The following PPARGC1A variants were observed in gnomAD, a reference collection of about 807,000 sequenced individuals.
PPARGC1A encodes the protein peroxisome proliferator-activated receptor gamma coactivator 1-alpha.
A neutral mutation model predicts 88.7 loss-of-function variants in PPARGC1A; 25 were observed. That is an observed-to-expected ratio of 0.28 (90% CI 0.21 to 0.39). PPARGC1A has a LOEUF of 0.39. Among genes scored for constraint, PPARGC1A ranks in the 10% least tolerant of loss-of-function variants. The pLI is 1.00. For synonymous variants in PPARGC1A, 363 were observed against 355.6 expected, an observed-to-expected ratio of 1.02 and a Z score of -0.24; for missense variants, 880 against 968.7, an observed-to-expected ratio of 0.91 and a Z score of 1.22.
At chr4:24,229,246 C>T in the PPARGC1A span, among the ~76,000 whole-genome samples, 5 of 146,852 alleles carry the variant, frequency 3.4e-5, no homozygotes, top group East Asian at 8.4e-4. Context: ...CTCCACCTCC[C>T]GGGTTCAAGT....
chr4:24,126,139 C>A, the PPARGC1A span, among the ~76,000 whole-genome samples: 1 of 152,082 alleles, frequency 6.6e-6, no homozygotes, highest in African/African-American at 2.4e-5. Flanking sequence ...AGATTCAGAT[C>A]CAGATCTTGC....
chr4:24,136,673 T>C, the PPARGC1A span, among the ~76,000 whole-genome samples: 1 of 152,178 alleles, frequency 6.6e-6, no homozygotes, highest in Non-Finnish European at 1.5e-5. Context: ...TCCCAGCCTG[T>C]TTCCTCACCT....
At chr4:24,116,854 C>A in the PPARGC1A span, among the ~76,000 whole-genome samples, 1 of 152,166 alleles carries the variant, frequency 6.6e-6, no homozygotes, top group Admixed American at 6.5e-5. Context: ...CAGCATTGCT[C>A]GTCGTACATT....
chr4:24,212,972 A>G, the PPARGC1A span, among the ~76,000 whole-genome samples: 1 of 152,140 alleles, frequency 6.6e-6, no homozygotes, highest in African/African-American at 2.4e-5. Flanking sequence ...AGACGACAGC[A>G]CCTGAAGGTA....
the PPARGC1A span, among the ~76,000 whole-genome samples, chr4:24,340,281 C>T: frequency 6.6e-6 from 1 of 152,096 alleles, no homozygotes; most frequent in East Asian, 1.9e-4. Context: ...TTTTCTTTCC[C>T]AGTTATAAAC....
In PPARGC1A at chr4:23,873,693, T is replaced by A. The variant is rs190074247; in HGVS notation, c.234+11059A>T. Among the ~76,000 whole-genome samples, 305 of 152,316 alleles carry A rather than the reference T, an allele frequency of 2.0e-3. 1 individual carries two copies. The highest frequency in any genetic ancestry group is 7.2e-3 in the African/African-American group (299 of 41,560). On this transcript the variant is annotated intron_variant, in intron 2 of 12. Coordinates refer to ENST00000264867, the MANE Select transcript of PPARGC1A (RefSeq NM_013261.5). ...TCATTATTTCCTAATGCTCTAGTAA[T>A]ACATTAAGAGTTAACTGGGGTGAAA...
At chr4:24,012,845 G>A in the PPARGC1A span, among the ~76,000 whole-genome samples, 2 of 152,212 alleles carry the variant, frequency 1.3e-5, no homozygotes, top group South Asian at 4.1e-4. Flanking sequence ...GCATTCCTTT[G>A]TAGCTCTGTG....
chr4:24,467,554 A>G, the PPARGC1A span, among the ~76,000 whole-genome samples: 2 of 152,218 alleles, frequency 1.3e-5, no homozygotes, highest in Non-Finnish European at 2.9e-5. Flanking sequence ...AAGAAAGAAA[A>G]AAAAACACTG....
At position 23,866,111 on chromosome 4, in the gene PPARGC1A, A is replaced by G. The variant is rs542601677; in HGVS notation, c.234+18641T>C. ...TTGTGAATATGTAAGAAAGAAAGAT[A>G]CCAGGAATAGCCAGCCTAGTGTTTT... On this transcript the variant is annotated intron_variant, in intron 2 of 12. Transcript: ENST00000264867. The G allele has an allele frequency of 5.9e-5, 9 of 152,342 alleles. No homozygotes were observed. The South Asian group carries it at 1.9e-3, about 32-fold the overall frequency. The allele number at this position is 152,342 out of a possible 1,614,324, so 9.4% of individuals were successfully genotyped here. A position where few individuals can be genotyped will look rare whatever the true frequency, so the allele number is the denominator to read the frequency against.
At position 23,795,292 on chromosome 4, in the gene PPARGC1A, T is replaced by C. The variant is rs1717319367; in HGVS notation, c.*530A>G. On this transcript the variant is annotated 3_prime_UTR_variant, in exon 13 of 13. Coordinates refer to ENST00000264867, the MANE Select transcript of PPARGC1A (RefSeq NM_013261.5). ...TGTTAGTTTTCTTTCCTTTTTAATTTATATATATATATATATATATATATA... is the reference window on the plus strand; with the variant it reads ...TGTTAGTTTTCTTTCCTTTTTAATTCATATATATATATATATATATATATA... 6.0e-4 allele frequency: 1 copy of C among 1,678 alleles called. No homozygotes were observed. Among genetic ancestry groups the C allele is most frequent in the Admixed American group, 0.011 (1 of 88 alleles). The allele number at this position is 1,678 out of a possible 1,614,324, so 0.1% of individuals were successfully genotyped here.
chr4:24,466,037 T>C, the PPARGC1A span, among the ~76,000 whole-genome samples: 2 of 152,212 alleles, frequency 1.3e-5, no homozygotes, highest in East Asian at 3.8e-4. Flanking sequence ...ATTTTATTGA[T>C]ATTCATGTAC....
intron 2 of PPARGC1A, among the ~76,000 whole-genome samples, chr4:23,834,552 T>A (rs1322051011): frequency 6.6e-6 from 1 of 151,864 alleles, no homozygotes; most frequent in Non-Finnish European, 1.5e-5. Context: ...GGGTAACTGT[T>A]AACTTCAAAA....
the PPARGC1A span, among the ~76,000 whole-genome samples, chr4:23,962,644 G>C: frequency 6.6e-5 from 10 of 152,286 alleles, no homozygotes; most frequent in Admixed American, 6.5e-5. Flanking sequence ...CAAGACTCCT[G>C]TTTGCCAATG....
chr4:23,805,229 A>AG (rs1719583976), intron 10 of PPARGC1A, among the ~76,000 whole-genome samples: 1 of 150,234 alleles, frequency 6.7e-6, no homozygotes, highest in Non-Finnish European at 1.5e-5. Flanking sequence ...GTTTTATCAC[A>AG]GAAAAAAAAA....
At chr4:24,305,094 T>A in the PPARGC1A span, among the ~76,000 whole-genome samples, 3 of 149,942 alleles carry the variant, frequency 2.0e-5, no homozygotes, top group Non-Finnish European at 4.4e-5. Flanking sequence ...GGTGGTTGTT[T>A]GGGGCACTGT....
the PPARGC1A span, among the ~76,000 whole-genome samples, chr4:24,184,613 C>A: frequency 1.3e-5 from 2 of 152,172 alleles, no homozygotes; most frequent in Non-Finnish European, 2.9e-5. Context: ...ATCCTCTGGG[C>A]CCAGCCTTGG....
chr4:24,464,621 C>G, the PPARGC1A span, among the ~76,000 whole-genome samples: 11 of 152,168 alleles, frequency 7.2e-5, no homozygotes, highest in African/African-American at 2.4e-4. Flanking sequence ...TCTTCTTCCA[C>G]AAAGAAGCCA....
chr4:24,450,131 G>A, the PPARGC1A span, among the ~76,000 whole-genome samples: 1 of 152,206 alleles, frequency 6.6e-6, no homozygotes, highest in African/African-American at 2.4e-5. Flanking sequence ...AGAAGAGGAT[G>A]AAGAAACAAA....
chr4:24,457,645 C>T, the PPARGC1A span, among the ~76,000 whole-genome samples: 4 of 152,074 alleles, frequency 2.6e-5, no homozygotes, highest in African/African-American at 7.2e-5. Flanking sequence ...CCCAGGTTCA[C>T]GCCATTCTCC....
Sources: allele counts gnomAD v4.1 joint callset (sites outside exome capture counted in the v4.1 genomes callset), GRCh38; gene constraint gnomAD v4.1.1; transcripts MANE v1.5; gene names NCBI Gene and HGNC (gene_info 2026-07-23, HGNC 2026-07-21).